The following AUTS2 variants were observed in gnomAD, a reference collection of about 807,000 sequenced individuals.
AUTS2 encodes the protein autism susceptibility gene 2 protein.
Under a neutral mutation model 112.4 loss-of-function variants are expected in AUTS2, and 17 were observed. That is an observed-to-expected ratio of 0.15 (90% CI 0.10 to 0.23). AUTS2 has a LOEUF of 0.23. AUTS2 is among the 10% of genes least tolerant of loss of function. The pLI is 1.00. For missense variants in AUTS2, 1,510 were observed against 1,701.6 expected (o/e 0.89, Z 1.98); for synonymous variants, 751 against 702.7 (o/e 1.07, Z -1.09).
intron 5 of AUTS2, among the ~76,000 whole-genome samples, chr7:70,659,301 A>G (rs947856522): frequency 3.3e-5 from 5 of 152,216 alleles, no homozygotes; most frequent in African/African-American, 9.6e-5. Context: ...AGCTTTAAAC[A>G]TACTAAACCT....
At chr7:70,676,440 A>AAG (rs144253423) in intron 5 of AUTS2, among the ~76,000 whole-genome samples, 4,814 of 150,374 alleles carry the variant, frequency 0.032, 242 homozygotes, top group African/African-American at 0.11. Context: ...TCAAAAAATA[A>AAG]AGAGAGAGAG....
intron 2 of AUTS2, among the ~76,000 whole-genome samples, chr7:70,007,582 A>T (rs879902322): frequency 6.6e-6 from 1 of 152,232 alleles, no homozygotes; most frequent in Admixed American, 6.5e-5. Context: ...CGTGCTTTAC[A>T]TATATTACAC....
chr7:70,480,078 G>T (rs1797731402), intron 5 of AUTS2, among the ~76,000 whole-genome samples: 1 of 152,214 alleles, frequency 6.6e-6, no homozygotes, highest in Non-Finnish European at 1.5e-5. Context: ...TTGCTTGCAG[G>T]CAAGAAACAG....
chr7:70,382,805 A>G (rs1231028657), intron 4 of AUTS2, among the ~76,000 whole-genome samples: 1 of 152,154 alleles, frequency 6.6e-6, no homozygotes, highest in Non-Finnish European at 1.5e-5. Context: ...GCATTGCATT[A>G]TGGTCATTCT....
chr7:70,613,405 G>A (rs1209246281), intron 5 of AUTS2, among the ~76,000 whole-genome samples: 1 of 152,164 alleles, frequency 6.6e-6, no homozygotes, highest in East Asian at 1.9e-4. Flanking sequence ...AGTAGATTCT[G>A]ATGACAGCTT....
chr7:69,610,733 G>T (rs1431476107), intron 1 of AUTS2, among the ~76,000 whole-genome samples: 1 of 152,148 alleles, frequency 6.6e-6, no homozygotes, highest in African/African-American at 2.4e-5. Context: ...GCTAAGGAGG[G>T]CTCCCAGCTA....
At chr7:70,586,280 AC>A (rs1469722596) in intron 5 of AUTS2, among the ~76,000 whole-genome samples, 1 of 152,210 alleles carries the variant, frequency 6.6e-6, no homozygotes, top group Non-Finnish European at 1.5e-5. Flanking sequence ...GTGAGTGTGT[AC>A]CCTGCGGGAA....
rs375117236 is a variant in AUTS2 at position 69,669,348 on chromosome 7, C to T, written c.309+69386C>T. Reference sequence around the variant, plus strand: ...ACATGTATGTATGTATGTGTATGTACAATATATATGTGTGTGTATATATAT... The same window carrying T: ...ACATGTATGTATGTATGTGTATGTATAATATATATGTGTGTGTATATATAT... On this transcript the variant is annotated intron_variant, in intron 1 of 18. Transcript: ENST00000342771. Among the ~76,000 whole-genome samples the T allele has an allele frequency of 3.8e-4, 58 of 151,846 alleles. 1 individual carries two copies. The South Asian group carries it at 0.012, about 31-fold the overall frequency.
intron 4 of AUTS2, among the ~76,000 whole-genome samples, chr7:70,329,357 A>G (rs1790641778): frequency 6.6e-6 from 1 of 151,986 alleles, no homozygotes; most frequent in African/African-American, 2.4e-5. Context: ...TTGCCGAACT[A>G]TTTTCTAGAA....
intron 4 of AUTS2, among the ~76,000 whole-genome samples, chr7:70,232,542 T>C (rs1812111813): frequency 6.6e-6 from 1 of 152,118 alleles, no homozygotes; most frequent in Non-Finnish European, 1.5e-5. Flanking sequence ...TAGCTGGGAC[T>C]ACAGGCGCAT....
intron 1 of AUTS2, among the ~76,000 whole-genome samples, chr7:69,658,932 C>T (rs1437592090): frequency 6.6e-6 from 1 of 152,162 alleles, no homozygotes; most frequent in Non-Finnish European, 1.5e-5. Context: ...TATGCTTTTG[C>T]TATTCACATA....
At chr7:70,330,767 C>T (rs190286258) in intron 4 of AUTS2, among the ~76,000 whole-genome samples, 126 of 152,192 alleles carry the variant, frequency 8.3e-4, no homozygotes, top group African/African-American at 2.6e-3. Flanking sequence ...ACAGGGTGTC[C>T]GTCTATTTAT....
intron 5 of AUTS2, among the ~76,000 whole-genome samples, chr7:70,446,348 C>T (rs1274933819): frequency 6.6e-6 from 1 of 152,170 alleles, no homozygotes; most frequent in East Asian, 1.9e-4. Context: ...GAGCTGATTA[C>T]GGCACAACAC....
chr7:69,801,171 T>C (rs1473864533), intron 1 of AUTS2, among the ~76,000 whole-genome samples: 1 of 150,986 alleles, frequency 6.6e-6, no homozygotes, highest in African/African-American at 2.4e-5. Flanking sequence ...ATTTTTTGAC[T>C]GAATAAAAGC....
rs114523374 is a variant in AUTS2 at position 69,831,543 on chromosome 7, G to A, written c.310-67743G>A. Among the ~76,000 whole-genome samples, 444 of 152,140 alleles carry A rather than the reference G, an allele frequency of 2.9e-3. 5 individuals are homozygous for A. The highest frequency in any genetic ancestry group is 0.01 in the African/African-American group (430 of 41,500). On this transcript the variant is annotated intron_variant, in intron 1 of 18. Transcript: ENST00000342771. ...GTGCTGGAGAACCTGGAAGGACCCA[G>A]GTTGTCTCTCCTATGTCCACTGTAA...
intron 1 of AUTS2, among the ~76,000 whole-genome samples, chr7:69,653,501 G>A (rs1290889615): frequency 6.6e-6 from 1 of 152,176 alleles, no homozygotes; most frequent in African/African-American, 2.4e-5. Context: ...GTCATTGAGA[G>A]AACACTTCTC....
intron 1 of AUTS2, among the ~76,000 whole-genome samples, chr7:69,760,536 C>T (rs1393453991): frequency 6.6e-6 from 1 of 152,044 alleles, no homozygotes; most frequent in African/African-American, 2.4e-5. Flanking sequence ...AAAATAATTA[C>T]AAGTGTGTCG....
chr7:69,992,089 A>C (rs950379013), intron 2 of AUTS2, among the ~76,000 whole-genome samples: 3 of 152,206 alleles, frequency 2.0e-5, no homozygotes, highest in Admixed American at 6.6e-5. Flanking sequence ...TCAGTTGGGC[A>C]TATCGTCTTC....
At chr7:70,693,555 G>T (rs2129546683) in intron 5 of AUTS2, among the ~76,000 whole-genome samples, 1 of 152,328 alleles carries the variant, frequency 6.6e-6, no homozygotes, top group South Asian at 2.1e-4. Flanking sequence ...GTTAGGTGAA[G>T]ACCTTTGTGT....
Sources: allele counts gnomAD v4.1 joint callset (sites outside exome capture counted in the v4.1 genomes callset), GRCh38; gene constraint gnomAD v4.1.1; transcripts MANE v1.5; gene names NCBI Gene and HGNC (gene_info 2026-07-23, HGNC 2026-07-21).